The following WNK4 variants were observed in gnomAD, a reference collection of about 807,000 sequenced individuals.
WNK4 encodes the protein serine/threonine-protein kinase WNK4.
WNK4 carries 94 observed loss-of-function variants against 116.2 expected under a neutral mutation model. The ratio of observed to expected loss-of-function variants is 0.81; its 90% CI spans 0.68 to 0.96. The LOEUF (loss-of-function observed/expected upper bound fraction) is 0.96, where lower values mean the gene tolerates loss of function less well. Among genes scored for constraint, WNK4 ranks in the 40% least tolerant of loss-of-function variants. The pLI is 0.00. For missense variants in WNK4, 1,542 were observed against 1,650.6 expected (o/e 0.93, Z 1.14); for synonymous variants, 655 against 672.7 (o/e 0.97, Z 0.41).
At chr17:42,792,914 G>A (rs2054620595) in intron 11 of WNK4, among the ~76,000 whole-genome samples, 1 of 152,202 alleles carries the variant, frequency 6.6e-6, no homozygotes, top group Non-Finnish European at 1.5e-5. Flanking sequence ...AGATAACTCA[G>A]GCTCTGGCTT....
chr17:42,785,913 G>A (rs1177460779), intron 6 of WNK4, among the ~76,000 whole-genome samples: 1 of 151,970 alleles, frequency 6.6e-6, no homozygotes, highest in Non-Finnish European at 1.5e-5. Flanking sequence ...CCCCACTATC[G>A]GTCCTGTCTT....
rs56099549 is a variant in WNK4, at chr17:42,795,676, C to A, written c.3074C>A (p.Pro1025Gln). The A allele has an allele frequency of 6.2e-7, 1 of 1,613,152 alleles. No homozygotes were observed. Among genetic ancestry groups the A allele is most frequent in the Non-Finnish European group, 8.5e-7 (1 of 1,180,034 alleles). ...TTCCAAGTGACTTCATCCAAGGAAC[C>A]GGCTGAGCCTCTTCCCTTGCAGCCA... The part of the protein sequence containing the change: ...GRFQVTSSKE[P>Q]AEPLPLQPTS... The change falls in exon 16 of 19, where the codon CCG becomes CAG. Residue 1025 changes from proline (P) to glutamine (Q), a missense_variant. Around this residue, in one of 7 missense-constraint regions of WNK4, gnomAD observed 292 missense variants for 290.1 expected, o/e 1.01. Transcript: ENST00000246914.
chr17:42,784,643 C>G lies in WNK4; in HGVS notation c.1170+64C>G, dbSNP rs2054523226. 4 of 1,599,370 alleles carry G rather than the reference C, an allele frequency of 2.5e-6. No individual in the cohort carries two copies. Among genetic ancestry groups the G allele is most frequent in the Non-Finnish European group, 3.4e-6 (4 of 1,173,246 alleles). ...GCCACTTCCCCTTTTCCTGCGCCGG[C>G]CAGCCCGCAGTCAATGCCCTTTGCC... On this transcript the variant is annotated intron_variant, in intron 4 of 18. Coordinates refer to ENST00000246914, the MANE Select transcript of WNK4 (RefSeq NM_032387.5). This position sits in a 1 kb window ranked among gnomAD's most constrained non-coding sequence, Gnocchi z 4.4.
chr17:42,787,558 T>C lies in WNK4; in HGVS notation c.1741+16T>C, dbSNP rs370641306. The stretch of plus-strand genomic sequence containing the variant: ...TCTACCACTTGTAAGTCACCCCTGA[T>C]CTTGAGACGTAGGTCCCAGAACACC... On this transcript the variant is annotated intron_variant, in intron 7 of 18. Coordinates refer to ENST00000246914, the MANE Select transcript of WNK4 (RefSeq NM_032387.5). The C allele has an allele frequency of 1.9e-6, 3 of 1,612,376 alleles. No homozygotes were observed. Among genetic ancestry groups the C allele is most frequent in the East Asian group, 2.2e-5 (1 of 44,862 alleles).
intron 11 of WNK4, among the ~76,000 whole-genome samples, chr17:42,792,983 G>A (rs1433263131): frequency 6.6e-6 from 1 of 152,186 alleles, no homozygotes; most frequent in Non-Finnish European, 1.5e-5. Context: ...ACCTCTTTGA[G>A]CATTGGTTAT....
Position 42,785,393 on chromosome 17 carries a change from C to G in WNK4, c.1387C>G (p.Arg463Gly), listed in dbSNP as rs372972035. 1.3e-6 allele frequency: 2 copies of G among 1,588,478 alleles called. No homozygotes were observed. Among genetic ancestry groups the G allele is most frequent in the South Asian group, 1.1e-5 (1 of 87,722 alleles). Residue 463 changes from arginine (R) to glycine (G), a missense_variant, in exon 6 of 19, where the codon CGG becomes GGG. Coordinates refer to ENST00000246914, the MANE Select transcript of WNK4 (RefSeq NM_032387.5). ...GCTCTGGCTGCGCATGGAGGACGCGCGGCGCGGGGGGCGCCCACGGGACAA... is the reference window on the plus strand; with the variant it reads ...GCTCTGGCTGCGCATGGAGGACGCGGGGCGCGGGGGGCGCCCACGGGACAA... ...LKLWLRMEDARRGGRPRDNQA... is the reference protein window; with the variant it reads ...LKLWLRMEDAGRGGRPRDNQA...
chr17:42,781,969 T>C (rs61754337), intron 1 of WNK4, among the ~76,000 whole-genome samples: 3 of 152,188 alleles, frequency 2.0e-5, no homozygotes, highest in African/African-American at 7.2e-5. Context: ...TTCCCAGACC[T>C]AAAGGCACTA....
At chr17:42,788,887 G>T (rs1234191848) in intron 11 of WNK4, 90 bp downstream of exon 11, 2 of 1,035,444 alleles carry the variant, frequency 1.9e-6, no homozygotes, top group Non-Finnish European at 1.5e-6. Flanking sequence ...CCACTGATCC[G>T]ACAGCAAGCA....
In WNK4 at chr17:42,794,843, G is replaced by A; in HGVS notation, c.2422G>A (p.Gly808Arg). 6.2e-7 allele frequency: 1 copy of A among 1,613,710 alleles called. No individual in the cohort carries two copies. Among genetic ancestry groups the A allele is most frequent in the Non-Finnish European group, 8.5e-7 (1 of 1,179,926 alleles). Residue 808 changes from glycine to arginine, a missense_variant, in exon 14 of 19, where the codon GGA (glycine) becomes AGA (arginine). This residue lies in a region of WNK4 where 808 missense variants were observed against 873.6 expected (regional missense o/e 0.92). Coordinates refer to ENST00000246914, the MANE Select transcript of WNK4 (RefSeq NM_032387.5). ...CTTCTCCACCTCCTCATCTTCTCCT[G>A]GAACTCCTTTGTCTCCTGGAAACCC... ...TAFSTSSSSP[G>R]TPLSPGNPFS...
chr17:42,796,013 G>A lies in WNK4; in HGVS notation c.3411G>A (p.Glu1137=). The A allele has an allele frequency of 1.2e-6, 2 of 1,613,920 alleles. No homozygotes were observed. Among genetic ancestry groups the A allele is most frequent in the Non-Finnish European group, 1.7e-6 (2 of 1,180,030 alleles). The change falls in exon 16 of 19, where the codon GAG becomes GAA. Residue 1137 remains glutamate (E), a synonymous_variant. Transcript: ENST00000246914. ...GGGAAGATGAGGAGTTCTGGGCTGAGCTGCAGAGTCTTCGGCAGAAGTGAG... is the reference window on the plus strand; with the variant it reads ...GGGAAGATGAGGAGTTCTGGGCTGAACTGCAGAGTCTTCGGCAGAAGTGAG... The part of the protein sequence containing the change: ...SSGEDEEFWA[E]LQSLRQKHLS...
Position 42,785,414 on chromosome 17 carries a change from G to A in WNK4, c.1408G>A (p.Asp470Asn). 1 of 1,568,360 alleles carries A rather than the reference G, an allele frequency of 6.4e-7. No individual in the cohort carries two copies. The highest frequency in any genetic ancestry group is 2.4e-5 in the East Asian group (1 of 42,404). Residue 470 changes from aspartate (D) to asparagine (N), a missense_variant, in exon 6 of 19, where the codon GAC becomes AAC. By Grantham distance (23) the Asp-to-Asn change is conservative (BLOSUM62 1). This residue lies in a region of WNK4 where 808 missense variants were observed against 873.6 expected (regional missense o/e 0.92). Coordinates refer to ENST00000246914, the MANE Select transcript of WNK4 (RefSeq NM_032387.5). ...EDARRGGRPR[D>N]NQAIEFLFQL... ...CGCGCGGCGCGGGGGGCGCCCACGG[G>A]ACAACCAGGCCATCGAGTTCCTGTT...
chr17:42,781,822 A>C (rs1488238735), intron 1 of WNK4, among the ~76,000 whole-genome samples: 1 of 152,176 alleles, frequency 6.6e-6, no homozygotes, highest in Non-Finnish European at 1.5e-5. Flanking sequence ...TTGTGGCAGA[A>C]TAGGGCCCCC....
intron 11 of WNK4, among the ~76,000 whole-genome samples, chr17:42,789,880 C>A (rs1224572376): frequency 1.3e-5 from 2 of 151,872 alleles, no homozygotes; most frequent in Admixed American, 1.3e-4. Flanking sequence ...GCGGCACATG[C>A]CTGTCATCCC....
rs1172209346 is a variant in WNK4 at position 42,795,039 on chromosome 17, C to T, written c.2618C>T (p.Pro873Leu). 20 of 1,613,756 alleles carry T rather than the reference C, an allele frequency of 1.2e-5. No individual in the cohort carries two copies. The highest frequency in any genetic ancestry group is 8.9e-5 in the East Asian group (4 of 44,874). Residue 873 changes from proline to leucine, a missense_variant, in exon 14 of 19, where the codon CCG becomes CTG. By Grantham distance (98) the Pro-to-Leu change is moderately conservative (BLOSUM62 -3). Coordinates refer to ENST00000246914, the MANE Select transcript of WNK4 (RefSeq NM_032387.5). ...TTCTCCTCCAGCACACCCGAGTTTC[C>T]GGTCCCACTCTCTCAGTGTCCCTGG... Reference protein sequence around the residue: ...LPFSSSTPEFPVPLSQCPWSS... With the variant: ...LPFSSSTPEFLVPLSQCPWSS...
Position 42,793,629 on chromosome 17 carries a change from G to A in WNK4, c.2195G>A (p.Gly732Glu), listed in dbSNP as rs1294449131. ...TTCATTCTGCCTTCGGAGCGAGATG[G>A]ATTTCTCAGACGGATTCGGGAGATT... ...NEFILPSERD[G>E]FLRRIREIIQ... Residue 732 changes from glycine to glutamate, a missense_variant, in exon 12 of 19, where the codon GGA (glycine) becomes GAA (glutamate). Gly to Glu is a moderately conservative substitution (Grantham distance 98). This residue lies in a region of WNK4 where 808 missense variants were observed against 873.6 expected (regional missense o/e 0.92). Coordinates refer to ENST00000246914, the MANE Select transcript of WNK4 (RefSeq NM_032387.5). 4 of 1,614,064 alleles carry A rather than the reference G, an allele frequency of 2.5e-6. No homozygotes were observed. Among genetic ancestry groups the A allele is most frequent in the Non-Finnish European group, 3.4e-6 (4 of 1,179,994 alleles).
At chr17:42,791,404 C>T (rs1418644238) in intron 11 of WNK4, among the ~76,000 whole-genome samples, 1 of 151,858 alleles carries the variant, frequency 6.6e-6, no homozygotes, top group African/African-American at 2.4e-5. Flanking sequence ...TTTGGGAGGC[C>T]GAGGCAGGCA....
chr17:42,783,833 C>T lies in WNK4; in HGVS notation c.792-104C>T, dbSNP rs749797100. On this transcript the variant is annotated intron_variant, in intron 2 of 18. Transcript: ENST00000246914. ...GCTAGGAGAATGCTGGCAGAAGATG[C>T]GGAGGCGGCAGCAGGGTGCGGCAGG... The T allele has an allele frequency of 1.1e-4, 124 of 1,091,688 alleles. 1 individual carries two copies. Among genetic ancestry groups the T allele is most frequent in the Non-Finnish European group, 4.9e-5 (36 of 740,956 alleles). The allele number at this position is 1,091,688 out of a possible 1,614,324, so 67.6% of individuals were successfully genotyped here.
intron 11 of WNK4, among the ~76,000 whole-genome samples, chr17:42,792,518 C>A (rs1043214268): frequency 6.6e-6 from 1 of 152,124 alleles, no homozygotes. Context: ...AACTCTGTAC[C>A]CATTAAACAA....
rs762217770 is a variant in WNK4, at chr17:42,793,746, G to T, written c.2295+17G>T. Reference sequence around the variant, plus strand: ...AGCCCCCAGGTCAGACCCCTTGGTGGACACTTCCAGGGGAAATGGACTCTC... The same window carrying T: ...AGCCCCCAGGTCAGACCCCTTGGTGTACACTTCCAGGGGAAATGGACTCTC... On this transcript the variant is annotated intron_variant, in intron 12 of 18. Transcript: ENST00000246914. 1.2e-6 allele frequency: 2 copies of T among 1,613,756 alleles called. No homozygotes were observed. Among genetic ancestry groups the T allele is most frequent in the South Asian group, 2.2e-5 (2 of 91,068 alleles).
Sources: allele counts gnomAD v4.1 joint callset (sites outside exome capture counted in the v4.1 genomes callset), GRCh38; gene constraint gnomAD v4.1.1; regional missense constraint gnomAD v4.1.1; non-coding constraint Gnocchi (gnomAD v3.1); transcripts MANE v1.5; gene names NCBI Gene and HGNC (gene_info 2026-07-23, HGNC 2026-07-21).